Variants in CENPW observed in about 807,000 individuals in gnomAD.
The protein encoded by CENPW is centromere protein W.
CENPW carries 3 observed loss-of-function variants against 11.1 expected under a neutral mutation model. The observed-to-expected ratio is 0.27, with a 90% CI of 0.12 to 0.70. The LOEUF (loss-of-function observed/expected upper bound fraction) is 0.70. Among genes scored for constraint, CENPW ranks in the 30% least tolerant of loss-of-function variants. The pLI is 0.77. For synonymous variants in CENPW, 38 were observed against 42.0 expected (o/e 0.91, Z 0.37); for missense variants, 100 against 105.6 (o/e 0.95, Z 0.23).
At chr6:126,409,289 C>T in the CENPW span, among the ~76,000 whole-genome samples, 1 of 152,102 alleles carries the variant, frequency 6.6e-6, no homozygotes, top group Non-Finnish European at 1.5e-5. Context: ...AGAAAAGATA[C>T]TTGATAATTT....
At chr6:126,375,438 G>T in the CENPW span, among the ~76,000 whole-genome samples, 1 of 152,106 alleles carries the variant, frequency 6.6e-6, no homozygotes, top group Non-Finnish European at 1.5e-5. Flanking sequence ...AGAGGAGCAG[G>T]GGTCAGAAAG....
chr6:126,388,349 G>A, the CENPW span, among the ~76,000 whole-genome samples: 1 of 151,956 alleles, frequency 6.6e-6, no homozygotes, highest in Non-Finnish European at 1.5e-5. Context: ...AGGGCAGGGG[G>A]AAAAAGGCGA....
chr6:126,412,014 C>CCCCT, the CENPW span, among the ~76,000 whole-genome samples: 1 of 5,946 alleles, frequency 1.7e-4, no homozygotes. Context: ...TCTCTCCCTC[C>CCCCT]CACTCCCTCC....
chr6:126,384,589 C>T, the CENPW span, among the ~76,000 whole-genome samples: 1 of 152,120 alleles, frequency 6.6e-6, no homozygotes, highest in Non-Finnish European at 1.5e-5. Flanking sequence ...AAAGTTGAAA[C>T]TGGACCCCTT....
At chr6:126,363,478 T>C in the CENPW span, among the ~76,000 whole-genome samples, 2 of 152,260 alleles carry the variant, frequency 1.3e-5, no homozygotes, top group African/African-American at 2.4e-5. Flanking sequence ...GCTTTACTTA[T>C]GTTAACTATA....
At chr6:126,425,304 A>C in the CENPW span, among the ~76,000 whole-genome samples, 1 of 152,132 alleles carries the variant, frequency 6.6e-6, no homozygotes, top group Non-Finnish European at 1.5e-5. Context: ...TTGAGGTCAA[A>C]GTCTTTCCTT....
chr6:126,348,383 C>T (rs1349060557), intron 2 of CENPW, 83 bp from the exon 3 acceptor site: 4 of 779,188 alleles, frequency 5.1e-6, no homozygotes, highest in Middle Eastern at 2.4e-4. Flanking sequence ...ATTATGCACC[C>T]AGGACTATTT....
the CENPW span, among the ~76,000 whole-genome samples, chr6:126,376,890 G>C: frequency 6.6e-6 from 1 of 152,126 alleles, no homozygotes; most frequent in Admixed American, 6.6e-5. Flanking sequence ...TGTCAGGAAT[G>C]GGGCTGTGGT....
chr6:126,361,250 C>A, the CENPW span, among the ~76,000 whole-genome samples: 4 of 152,128 alleles, frequency 2.6e-5, no homozygotes, highest in Non-Finnish European at 4.4e-5. Flanking sequence ...AGAGTAATTG[C>A]GGGTAGATGG....
the CENPW span, among the ~76,000 whole-genome samples, chr6:126,458,857 C>G: frequency 1.3e-5 from 2 of 151,252 alleles, no homozygotes; most frequent in African/African-American, 4.8e-5. Context: ...CCTTATATGT[C>G]TTGCTTAATT....
the CENPW span, among the ~76,000 whole-genome samples, chr6:126,462,422 T>G: frequency 5.3e-5 from 8 of 151,888 alleles, no homozygotes; most frequent in Admixed American, 4.6e-4. Context: ...TTTCAGTTTT[T>G]TTTTTAGTTT....
At chr6:126,381,243 G>T in the CENPW span, among the ~76,000 whole-genome samples, 1 of 152,018 alleles carries the variant, frequency 6.6e-6, no homozygotes, top group Non-Finnish European at 1.5e-5. Flanking sequence ...TATTCTTTTT[G>T]TATATGTTGT....
the CENPW span, among the ~76,000 whole-genome samples, chr6:126,464,474 G>A: frequency 3.9e-5 from 6 of 152,128 alleles, 1 homozygote; most frequent in Non-Finnish European, 5.9e-5. Context: ...CAATCTGGGT[G>A]GGTATCATCT....
the CENPW span, among the ~76,000 whole-genome samples, chr6:126,463,368 G>T: frequency 6.6e-6 from 1 of 151,962 alleles, no homozygotes; most frequent in Non-Finnish European, 1.5e-5. Context: ...AATGAGATAA[G>T]CCATCTCCTT....
At chr6:126,429,835 T>C in the CENPW span, among the ~76,000 whole-genome samples, 1 of 152,338 alleles carries the variant, frequency 6.6e-6, no homozygotes, top group Admixed American at 6.5e-5. Context: ...TTAGAGTACA[T>C]TGAGAACAAA....
the CENPW span, among the ~76,000 whole-genome samples, chr6:126,387,218 C>CT: frequency 2.0e-5 from 3 of 151,682 alleles, no homozygotes; most frequent in Non-Finnish European, 2.9e-5. Flanking sequence ...TTATTATAAT[C>CT]TTTTTTTGGA....
chr6:126,410,519 T>C, the CENPW span, among the ~76,000 whole-genome samples: 43 of 152,172 alleles, frequency 2.8e-4, no homozygotes, highest in South Asian at 2.9e-3. Context: ...TTGAGTTTCC[T>C]GGTTATGGAT....
chr6:126,358,944 T>C, the CENPW span, among the ~76,000 whole-genome samples: 5 of 152,010 alleles, frequency 3.3e-5, no homozygotes, highest in Admixed American at 2.6e-4. Flanking sequence ...ATTTTAGTTA[T>C]TTCTTCTGCT....
chr6:126,450,710 G>A, the CENPW span, among the ~76,000 whole-genome samples: 1 of 150,702 alleles, frequency 6.6e-6, no homozygotes, highest in East Asian at 1.9e-4. Context: ...ATTCAAGCTT[G>A]CTTACTATTA....
Sources: allele counts gnomAD v4.1 joint callset (sites outside exome capture counted in the v4.1 genomes callset), GRCh38; gene constraint gnomAD v4.1.1; transcripts MANE v1.5; gene names NCBI Gene and HGNC (gene_info 2026-07-23, HGNC 2026-07-21).